ARHGAP44: variants seen among roughly 807,000 people sequenced by gnomAD.
ARHGAP44 encodes the protein rho GTPase-activating protein 44.
ARHGAP44 carries 43 observed loss-of-function variants against 106.8 expected under a neutral mutation model. The observed-to-expected ratio is 0.40, with a 90% CI of 0.32 to 0.52. ARHGAP44 has a LOEUF of 0.52. Ranked by LOEUF, ARHGAP44 falls within the 20% of genes least tolerant of loss-of-function variation. The probability of loss-of-function intolerance (pLI) is 0.48; values close to 1 mark genes in which losing one functional copy is unlikely to be tolerated. For missense variants in ARHGAP44, 866 were observed against 1,050.5 expected, an observed-to-expected ratio of 0.82 and a Z score of 2.43; for synonymous variants, 439 against 410.3, an observed-to-expected ratio of 1.07 and a Z score of -0.85.
At position 12,891,800 on chromosome 17, in the gene ARHGAP44, T is replaced by TTC. The variant is rs2037054074; in HGVS notation, c.54-3139_54-3138insCT. ...TTCCTTCTTTTATCATTTTTGGGGT[T>TTC]TTTTTTTTTTTTAGATGGAGTCTCA... On this transcript the variant is annotated intron_variant, in intron 1 of 20. Coordinates refer to ENST00000379672, the MANE Select transcript of ARHGAP44 (RefSeq NM_014859.6). Among the ~76,000 whole-genome samples the TTC allele has an allele frequency of 3.4e-5, 5 of 148,068 alleles. No individual in the cohort carries two copies. The South Asian group carries it at 8.6e-4, about 26-fold the overall frequency.
At position 12,876,806 on chromosome 17, in the gene ARHGAP44, G is replaced by A. The variant is rs146275097; in HGVS notation, c.54-18134G>A. 5.3e-3 allele frequency among the ~76,000 whole-genome samples: 808 copies of A among 151,726 alleles called. 9 individuals are homozygous for A. The highest frequency in any genetic ancestry group is 8.5e-3 in the Non-Finnish European group (574 of 67,928). On this transcript the variant is annotated intron_variant, in intron 1 of 20. Coordinates refer to ENST00000379672, the MANE Select transcript of ARHGAP44 (RefSeq NM_014859.6). ...TGCACTTGTAATCCCAGCTACGTGG[G>A]AGGCTGAGGCAAGAGAATCACTTGA... is the stretch of plus-strand genomic sequence containing the variant.
At chr17:12,831,690 A>G (rs2035093456) in intron 1 of ARHGAP44, among the ~76,000 whole-genome samples, 1 of 152,180 alleles carries the variant, frequency 6.6e-6, no homozygotes, top group African/African-American at 2.4e-5. Flanking sequence ...CTTGAGAAAG[A>G]CACTCCTGAA....
chr17:12,980,526 A>G (rs1233497571), intron 19 of ARHGAP44, among the ~76,000 whole-genome samples: 2 of 152,160 alleles, frequency 1.3e-5, no homozygotes, highest in Admixed American at 1.3e-4. Flanking sequence ...TGTTTTCCAG[A>G]GACCTGCCGG....
intron 1 of ARHGAP44, among the ~76,000 whole-genome samples, chr17:12,847,008 C>T (rs1031372437): frequency 2.0e-5 from 3 of 152,196 alleles, no homozygotes; most frequent in East Asian, 1.9e-4. Flanking sequence ...CAGACAGCGT[C>T]GTTGAAGTGG....
intron 7 of ARHGAP44, among the ~76,000 whole-genome samples, chr17:12,930,949 A>T (rs920145310): frequency 9.2e-5 from 14 of 152,246 alleles, no homozygotes; most frequent in African/African-American, 3.1e-4. Flanking sequence ...CATAACAGTT[A>T]TAAGGATAAG....
At chr17:12,907,182 C>T (rs573894398) in intron 3 of ARHGAP44, among the ~76,000 whole-genome samples, 51 of 152,278 alleles carry the variant, frequency 3.3e-4, no homozygotes, top group African/African-American at 1.1e-3. Context: ...TTTGTAGCTA[C>T]GTAGACTGGA....
intron 1 of ARHGAP44, among the ~76,000 whole-genome samples, chr17:12,845,462 C>A (rs188185464): frequency 1.4e-4 from 20 of 145,266 alleles, no homozygotes; most frequent in African/African-American, 3.7e-4. Flanking sequence ...GAGCCGAGAT[C>A]GCGCCATTGC....
At chr17:12,909,198 G>A (rs189799058) in intron 4 of ARHGAP44, among the ~76,000 whole-genome samples, 480 of 152,226 alleles carry the variant, frequency 3.2e-3, no homozygotes, top group Non-Finnish European at 5.1e-3. Flanking sequence ...ACTGATGAAG[G>A]ACAATTGAAA....
chr17:12,889,630 C>T (rs1598004230), intron 1 of ARHGAP44, among the ~76,000 whole-genome samples: 1 of 152,170 alleles, frequency 6.6e-6, no homozygotes, highest in African/African-American at 2.4e-5. Flanking sequence ...AAATTCATGT[C>T]TTCACATGAA....
chr17:12,959,890 G>C (rs1165864963), intron 16 of ARHGAP44, among the ~76,000 whole-genome samples: 1 of 152,262 alleles, frequency 6.6e-6, no homozygotes, highest in Non-Finnish European at 1.5e-5. Context: ...AGACCACTGG[G>C]CAGCCAGAAA....
chr17:12,959,113 C>T, intron 16 of ARHGAP44: 1 of 579,830 alleles, frequency 1.7e-6, no homozygotes, highest in South Asian at 2.0e-5. Context: ...TCTTAGCTGA[C>T]ACAGTTGTGA....
intron 6 of ARHGAP44, among the ~76,000 whole-genome samples, chr17:12,922,312 A>G (rs1253974887): frequency 6.6e-6 from 1 of 152,236 alleles, no homozygotes; most frequent in Non-Finnish European, 1.5e-5. Context: ...TAACCTCTTT[A>G]GCGTGCTTGG....
At chr17:12,960,916 TCAGAGA>T (rs1249396431) in intron 16 of ARHGAP44, among the ~76,000 whole-genome samples, 1 of 152,130 alleles carries the variant, frequency 6.6e-6, no homozygotes, top group African/African-American at 2.4e-5. Context: ...AATCTGCGAG[TCAGAGA>T]CAGAGAAAAC....
intron 1 of ARHGAP44, among the ~76,000 whole-genome samples, chr17:12,863,242 T>C (rs973346131): frequency 1.3e-5 from 2 of 152,186 alleles, no homozygotes; most frequent in African/African-American, 4.8e-5. Flanking sequence ...CTGGAGAAGC[T>C]AAGCATCTTC....
chr17:12,987,810 T>C (rs2039997519), intron 20 of ARHGAP44: 1 of 152,246 alleles, frequency 6.6e-6, no homozygotes, highest in Admixed American at 6.5e-5. Context: ...ATCCTTTCTA[T>C]CCAACTCAAT....
At chr17:12,874,383 G>T (rs2036492532) in intron 1 of ARHGAP44, among the ~76,000 whole-genome samples, 1 of 152,136 alleles carries the variant, frequency 6.6e-6, no homozygotes, top group South Asian at 2.1e-4. Flanking sequence ...TGAGCTTTAG[G>T]AGAGCCAGTT....
chr17:12,892,878 G>T lies in ARHGAP44; in HGVS notation c.54-2062G>T, dbSNP rs535451763. On this transcript the variant is annotated intron_variant, in intron 1 of 20. Transcript: ENST00000379672. ...TTTATATCTTCTATTTTCTTTCTGA[G>T]ACTTCCTATTTCATTTATTTCAAAA... Among the ~76,000 whole-genome samples the T allele has an allele frequency of 7.3e-5, 11 of 151,118 alleles. No individual in the cohort carries two copies. The South Asian group carries it at 2.3e-3, about 32-fold the overall frequency.
At chr17:12,808,228 C>CATGGTACAAGCGGTCAGTGG (rs1411572961) in intron 1 of ARHGAP44, among the ~76,000 whole-genome samples, 1 of 152,232 alleles carries the variant, frequency 6.6e-6, no homozygotes, top group Non-Finnish European at 1.5e-5. Flanking sequence ...TTTCCAGACG[C>CATGGTACAAGCGGTCAGTGG]ATGGTACAAG....
chr17:12,980,017 A>G, intron 18 of ARHGAP44, 41 bp from the exon 19 acceptor site: 1 of 1,545,604 alleles, frequency 6.5e-7, no homozygotes, highest in Admixed American at 2.0e-5. Flanking sequence ...CCGCTCACTG[A>G]GTTCAGGGCT....
Sources: allele counts gnomAD v4.1 joint callset (sites outside exome capture counted in the v4.1 genomes callset), GRCh38; gene constraint gnomAD v4.1.1; transcripts MANE v1.5; gene names NCBI Gene and HGNC (gene_info 2026-07-23, HGNC 2026-07-21).